TRPC3: variants seen among roughly 807,000 people sequenced by gnomAD.
The protein encoded by TRPC3 is short transient receptor potential channel 3.
TRPC3 carries 54 observed loss-of-function variants against 90.9 expected under a neutral mutation model. The ratio of observed to expected loss-of-function variants is 0.59; its 90% CI spans 0.48 to 0.75. The LOEUF (loss-of-function observed/expected upper bound fraction) is 0.75, where lower values mean the gene tolerates loss of function less well. Ranked by LOEUF, TRPC3 falls within the 30% of genes least tolerant of loss-of-function variation. TRPC3 has a pLI of 0.00. For synonymous variants in TRPC3, 424 were observed against 450.9 expected (o/e 0.94, Z 0.75); for missense variants, 918 against 1,194.5 (o/e 0.77, Z 3.41).
At chr4:121,882,525 ACTCAGGGG>A in intron 10 of TRPC3, 96 bp from the exon 11 acceptor site, 1 of 1,126,736 alleles carries the variant, frequency 8.9e-7, no homozygotes, top group Non-Finnish European at 1.2e-6. Context: ...AAAGCAAACA[ACTCAGGGG>A]AGAAAAAAAT....
chr4:121,943,787 C>A (rs1730399626), intron 1 of TRPC3, among the ~76,000 whole-genome samples: 1 of 152,060 alleles, frequency 6.6e-6, no homozygotes, highest in Admixed American at 6.5e-5. Context: ...TATCTAAAGT[C>A]AAAACAAGTC....
chr4:121,898,166 G>A (rs1214062510), intron 10 of TRPC3, among the ~76,000 whole-genome samples: 2 of 152,216 alleles, frequency 1.3e-5, no homozygotes, highest in Non-Finnish European at 2.9e-5. Flanking sequence ...GGAAGGGTAA[G>A]GGGTAGGGAG....
intron 1 of TRPC3, among the ~76,000 whole-genome samples, chr4:121,939,284 G>A (rs982325500): frequency 4.6e-5 from 7 of 152,096 alleles, no homozygotes; most frequent in Non-Finnish European, 1.0e-4. Flanking sequence ...AAAATTATGG[G>A]ATTTTTGTAT....
In TRPC3 at chr4:121,877,707, T is replaced by C. The variant is rs1012501266; in HGVS notation, c.*2029A>G. Among the ~76,000 whole-genome samples, 1 of 148,510 alleles carries C rather than the reference T, an allele frequency of 6.7e-6. No homozygotes were observed. Reference sequence around the variant, plus strand: ...AAGGAAAAAGATGAAATATTAAAACTATACCAGTTTGTACATAGTAAATAA... The same window carrying C: ...AAGGAAAAAGATGAAATATTAAAACCATACCAGTTTGTACATAGTAAATAA... On this transcript the variant is annotated 3_prime_UTR_variant, in exon 12 of 12. Coordinates refer to ENST00000379645, the MANE Select transcript of TRPC3 (RefSeq NM_001130698.2).
rs146421089 is a variant in TRPC3, at chr4:121,934,030, A to G, written c.216-988T>C. Among the ~76,000 whole-genome samples, 168 of 152,354 alleles carry G rather than the reference A, an allele frequency of 1.1e-3. 1 individual carries two copies. The highest frequency in any genetic ancestry group is 3.9e-3 in the African/African-American group (161 of 41,584). On this transcript the variant is annotated intron_variant, in intron 1 of 11. Coordinates refer to ENST00000379645, the MANE Select transcript of TRPC3 (RefSeq NM_001130698.2). ...CTAGAATTACTTTGTGAGTAAAGCA[A>G]CTGGGCACTAATTGTACATCCAGAT...
chr4:121,899,925 T>G (rs1487743475), intron 9 of TRPC3, among the ~76,000 whole-genome samples: 1 of 152,152 alleles, frequency 6.6e-6, no homozygotes, highest in African/African-American at 2.4e-5. Flanking sequence ...GTAATAGAAC[T>G]ATTTAATGGA....
chr4:121,914,479 T>G (rs996645957), intron 4 of TRPC3, among the ~76,000 whole-genome samples: 2 of 152,256 alleles, frequency 1.3e-5, no homozygotes, highest in Admixed American at 1.3e-4. Flanking sequence ...AAGCCGTCAA[T>G]AAAATCAGTA....
At chr4:121,886,528 T>A (rs1357426208) in intron 10 of TRPC3, among the ~76,000 whole-genome samples, 2 of 152,204 alleles carry the variant, frequency 1.3e-5, no homozygotes, top group African/African-American at 4.8e-5. Context: ...GCCTGCTATT[T>A]TTCCAGACAG....
intron 10 of TRPC3, among the ~76,000 whole-genome samples, chr4:121,898,698 G>T (rs190795998): frequency 4.6e-5 from 7 of 152,218 alleles, no homozygotes; most frequent in Non-Finnish European, 8.8e-5. Context: ...ACAAAGAAAT[G>T]ATAGATGTCT....
In TRPC3 at chr4:121,913,973, TAAAC is replaced by T. The variant is rs1356020193; in HGVS notation, c.1341+803_1341+806del. The stretch of plus-strand genomic sequence containing the variant: ...TTTTGCCTTGAAACTACCTCTGACT[TAAAC>T]AAAACCAAATTTCAGAATATAAAAA... On this transcript the variant is annotated intron_variant, in intron 4 of 11. Coordinates refer to ENST00000379645, the MANE Select transcript of TRPC3 (RefSeq NM_001130698.2). Among the ~76,000 whole-genome samples the T allele has an allele frequency of 5.9e-5, 9 of 152,306 alleles. No homozygotes were observed. In the East Asian group the frequency reaches 1.5e-3, roughly 26 times the overall value.
At chr4:121,893,708 C>A (rs920492800) in intron 10 of TRPC3, among the ~76,000 whole-genome samples, 2 of 152,192 alleles carry the variant, frequency 1.3e-5, no homozygotes, top group Non-Finnish European at 2.9e-5. Flanking sequence ...AAAAGACACA[C>A]AATAACCTGG....
chr4:121,930,893 A>G, intron 2 of TRPC3: 1 of 360,416 alleles, frequency 2.8e-6, no homozygotes, highest in South Asian at 2.1e-5. Context: ...CAAATACCAC[A>G]TAATGAATCT....
chr4:121,883,648 G>A (rs926082792), intron 10 of TRPC3, among the ~76,000 whole-genome samples: 10 of 152,160 alleles, frequency 6.6e-5, no homozygotes, highest in African/African-American at 1.4e-4. Context: ...AAAGGATATG[G>A]ATCAATGGGG....
At position 121,885,693 on chromosome 4, in the gene TRPC3, A is replaced by G. The variant is rs530521339; in HGVS notation, c.2548-3264T>C. On this transcript the variant is annotated intron_variant, in intron 10 of 11. Coordinates refer to ENST00000379645, the MANE Select transcript of TRPC3 (RefSeq NM_001130698.2). ...CCATGAAACTCATATGTAACAAGTA[A>G]AAGTACCATTTTAAATACTACCTTT... 1.1e-3 allele frequency among the ~76,000 whole-genome samples: 167 copies of G among 152,336 alleles called. 1 individual carries two copies. Among genetic ancestry groups the G allele is most frequent in the African/African-American group, 3.8e-3 (160 of 41,588 alleles).
At chr4:121,912,891 G>T (rs1729160762) in intron 4 of TRPC3, among the ~76,000 whole-genome samples, 1 of 152,192 alleles carries the variant, frequency 6.6e-6, no homozygotes, top group African/African-American at 2.4e-5. Context: ...CCTGTCCCAA[G>T]GGCCCCCACA....
chr4:121,903,473 G>A (rs1728772339), intron 8 of TRPC3, among the ~76,000 whole-genome samples: 1 of 152,136 alleles, frequency 6.6e-6, no homozygotes, highest in African/African-American at 2.4e-5. Flanking sequence ...TGTAGACACA[G>A]CATATTATAT....
intron 3 of TRPC3, among the ~76,000 whole-genome samples, chr4:121,920,668 A>G (rs1479181016): frequency 4.6e-5 from 7 of 152,250 alleles, no homozygotes; most frequent in African/African-American, 1.7e-4. Flanking sequence ...AAGAGAAGGA[A>G]AATGGTATTT....
chr4:121,951,492 C>T lies in TRPC3; in HGVS notation c.189G>A (p.Pro63=), dbSNP rs1199685606. 2 of 1,333,060 alleles carry T rather than the reference C, an allele frequency of 1.5e-6. No homozygotes were observed. The highest frequency in any genetic ancestry group is 1.9e-6 in the Non-Finnish European group (2 of 1,043,470). The allele number at this position is 1,333,060 out of a possible 1,614,324, so 82.6% of individuals were successfully genotyped here. Residue 63 remains proline, a synonymous_variant, in exon 1 of 12, where the codon CCG becomes CCA. Coordinates refer to ENST00000379645, the MANE Select transcript of TRPC3 (RefSeq NM_001130698.2). This position sits in a 1 kb window ranked among gnomAD's most constrained non-coding sequence, Gnocchi z 4.4. Reference sequence around the variant, plus strand: ...GGTCCGGCCCGTGGGAGAAGGGCGGCGGGCAGTAGCCGTGCGGCTCCCGCT... The same window carrying T: ...GGTCCGGCCCGTGGGAGAAGGGCGGTGGGCAGTAGCCGTGCGGCTCCCGCT... The part of the protein sequence containing the change: ...PSQREPHGYC[P]PPFSHGPDLS...
chr4:121,925,142 C>T lies in TRPC3; in HGVS notation c.1052G>A (p.Arg351Gln), dbSNP rs148910203. 129 of 1,613,958 alleles carry T rather than the reference C, an allele frequency of 8.0e-5. No homozygotes were observed. Among genetic ancestry groups the T allele is most frequent in the Middle Eastern group, 1.6e-4 (1 of 6,084 alleles). ...DFVVGVLDLC[R>Q]DSEEVEAILN... ...AATGGCTTCTACCTCTTCTGAGTCT[C>T]GGCAGAGATCCAGCACACCCACTAC... The change falls in exon 3 of 12, where the codon CGA (arginine) becomes CAA (glutamine). Residue 351 changes from arginine to glutamine, a missense_variant. Physicochemically the swap from Arg to Gln is conservative, Grantham distance 43. Coordinates refer to ENST00000379645, the MANE Select transcript of TRPC3 (RefSeq NM_001130698.2).
Sources: allele counts gnomAD v4.1 joint callset (sites outside exome capture counted in the v4.1 genomes callset), GRCh38; gene constraint gnomAD v4.1.1; non-coding constraint Gnocchi (gnomAD v3.1); transcripts MANE v1.5; gene names NCBI Gene and HGNC (gene_info 2026-07-23, HGNC 2026-07-21).